Variants in NSF observed in about 807,000 individuals in gnomAD.
NSF encodes vesicle-fusing ATPase.
A neutral mutation model predicts 50.3 loss-of-function variants in NSF; 14 were observed. That is an observed-to-expected ratio of 0.28 (90% confidence interval 0.18 to 0.44). The LOEUF is 0.44. Ranked by LOEUF, NSF falls within the 20% of genes least tolerant of loss-of-function variation. The pLI is 1.00. For synonymous variants in NSF, 109 were observed against 175.7 expected (o/e 0.62, Z 3.00); for missense variants, 218 against 504.3 (o/e 0.43, Z 5.44).
chr17:46,691,475 A>G (rs2058545642), intron 9 of NSF, among the ~76,000 whole-genome samples: 1 of 127,604 alleles, frequency 7.8e-6, no homozygotes, highest in African/African-American at 3.1e-5. Flanking sequence ...CATGCCTACA[A>G]TCCCAGCTAC....
At chr17:46,748,584 G>A (rs762365802) in intron 17 of NSF, among the ~76,000 whole-genome samples, 3 of 152,182 alleles carry the variant, frequency 2.0e-5, no homozygotes, top group Non-Finnish European at 2.9e-5. Flanking sequence ...TGAGGAAAAG[G>A]AAGGCTGGGA....
At chr17:46,609,329 G>A (rs1166893076) in intron 1 of NSF, among the ~76,000 whole-genome samples, 1 of 148,216 alleles carries the variant, frequency 6.7e-6, no homozygotes, top group Non-Finnish European at 1.5e-5. Context: ...TAGGTTTATG[G>A]TGTTTTATGT....
chr17:46,750,059 T>C (rs1453950503), intron 18 of NSF, 152 bp downstream of exon 18: 7 of 823,498 alleles, frequency 8.5e-6, no homozygotes, highest in Non-Finnish European at 1.3e-5. Flanking sequence ...TTATCCAAAA[T>C]GCCTGGGACT....
intron 13 of NSF, among the ~76,000 whole-genome samples, chr17:46,708,826 T>A (rs12952234): frequency 0.31 from 18,793 of 60,754 alleles, 1,440 homozygotes; most frequent in South Asian, 0.51. Flanking sequence ...ATATATATTT[T>A]TTTTTTTTTT....
intron 17 of NSF, among the ~76,000 whole-genome samples, chr17:46,739,244 G>A (rs756910938): frequency 4.6e-5 from 7 of 151,924 alleles, no homozygotes; most frequent in East Asian, 1.9e-4. Context: ...GGTGACAGGC[G>A]TCTGTAGTCC....
At chr17:46,690,611 C>CAAAA (rs771047574) in intron 9 of NSF, among the ~76,000 whole-genome samples, 22,931 of 89,496 alleles carry the variant, frequency 0.26, 3,952 homozygotes, top group South Asian at 0.48. Flanking sequence ...GACTCCGTCT[C>CAAAA]AAAAAAAAAA....
chr17:46,695,339 A>G (rs2058586330), intron 12 of NSF, among the ~76,000 whole-genome samples: 1 of 117,296 alleles, frequency 8.5e-6, no homozygotes, highest in Non-Finnish European at 1.7e-5. Flanking sequence ...AATATATTGA[A>G]TAGTTGATGT....
rs528093922 is a variant in NSF, at chr17:46,721,342, C to T, written c.1762-5207C>T. On this transcript the variant is annotated intron_variant, in intron 15 of 20. Transcript: ENST00000398238. ...CTTCCTTCCTTTAGAGTAGACTTCC[C>T]GTTATTTCATGAGACACAGGCTGAC... Among the ~76,000 whole-genome samples, 6 of 151,826 alleles carry T rather than the reference C, an allele frequency of 4.0e-5. No individual in the cohort carries two copies. The South Asian group carries it at 6.3e-4, about 16-fold the overall frequency.
intron 19 of NSF, among the ~76,000 whole-genome samples, chr17:46,754,073 T>C (rs2059209661): frequency 6.6e-6 from 1 of 152,070 alleles, no homozygotes; most frequent in African/African-American, 2.4e-5. Flanking sequence ...GTCAGTAAGT[T>C]GTTGCTCACA....
At chr17:46,728,957 G>A in intron 17 of NSF, 23 bp downstream of exon 17, 1 of 1,390,484 alleles carries the variant, frequency 7.2e-7, no homozygotes, top group Non-Finnish European at 1.0e-6. Flanking sequence ...TACTAATAAG[G>A]AATATTTTAA....
intron 17 of NSF, among the ~76,000 whole-genome samples, chr17:46,742,808 A>G (rs2059088976): frequency 6.6e-6 from 1 of 152,246 alleles, no homozygotes; most frequent in Admixed American, 6.5e-5. Context: ...GGCTAGAAAC[A>G]AGATTCAGGC....
At chr17:46,714,462 C>A (rs2058749128) in intron 15 of NSF, among the ~76,000 whole-genome samples, 1 of 152,218 alleles carries the variant, frequency 6.6e-6, no homozygotes, top group Admixed American at 6.5e-5. Flanking sequence ...TGCTTGGTAA[C>A]TTAATGCAGT....
intron 15 of NSF, 142 bp downstream of exon 15, chr17:46,714,128 A>G: frequency 1.3e-6 from 1 of 799,006 alleles, no homozygotes; most frequent in Non-Finnish European, 1.9e-6. Flanking sequence ...TCAGCAGAAT[A>G]TGGGGGAAGC....
intron 1 of NSF, among the ~76,000 whole-genome samples, chr17:46,613,195 T>G (rs577362475): frequency 0.014 from 515 of 36,022 alleles, 9 homozygotes; most frequent in African/African-American, 0.039. Flanking sequence ...GGAAGATCAC[T>G]TGAGCCTGTG....
intron 16 of NSF, among the ~76,000 whole-genome samples, chr17:46,727,380 G>C (rs548257619): frequency 5.3e-5 from 8 of 152,172 alleles, no homozygotes; most frequent in Admixed American, 3.9e-4. Flanking sequence ...TCAGGAAGGG[G>C]TAATACACTC....
intron 17 of NSF, among the ~76,000 whole-genome samples, chr17:46,734,048 A>G (rs1253874463): frequency 1.3e-5 from 2 of 152,226 alleles, no homozygotes; most frequent in Admixed American, 1.3e-4. Context: ...TAACATCAGC[A>G]GTCTCTAGAC....
At chr17:46,739,491 A>G (rs1306529526) in intron 17 of NSF, among the ~76,000 whole-genome samples, 2 of 150,934 alleles carry the variant, frequency 1.3e-5, no homozygotes, top group Non-Finnish European at 2.9e-5. Flanking sequence ...GTGAGTGGAG[A>G]TCATGCAACT....
chr17:46,711,265 C>A, intron 14 of NSF, 146 bp downstream of exon 14: 1 of 751,464 alleles, frequency 1.3e-6, no homozygotes, highest in South Asian at 3.1e-5. Flanking sequence ...AATCTATGTA[C>A]CAATATTGTG....
intron 13 of NSF, among the ~76,000 whole-genome samples, chr17:46,709,964 A>G (rs1015094787): frequency 6.6e-6 from 1 of 152,216 alleles, no homozygotes; most frequent in Non-Finnish European, 1.5e-5. Context: ...GTGGTCTGAA[A>G]AATTATTTTG....
Sources: allele counts gnomAD v4.1 joint callset (sites outside exome capture counted in the v4.1 genomes callset), GRCh38; gene constraint gnomAD v4.1.1; transcripts MANE v1.5; gene names NCBI Gene and HGNC (gene_info 2026-07-23, HGNC 2026-07-21).